The following GALNTL6 variants were observed in gnomAD, a reference collection of about 807,000 sequenced individuals.
The protein encoded by GALNTL6 is polypeptide N-acetylgalactosaminyltransferase-like 6.
In GALNTL6, 46 loss-of-function variants were observed where a neutral mutation model predicts 73.7. That is an observed-to-expected ratio of 0.62 (90% CI 0.49 to 0.80). The LOEUF (loss-of-function observed/expected upper bound fraction) is 0.80. GALNTL6 is among the 30% of genes least tolerant of loss of function. The probability of loss-of-function intolerance (pLI) is 0.00; values close to 1 mark genes in which losing one functional copy is unlikely to be tolerated. For missense variants in GALNTL6, 604 were observed against 755.0 expected, an observed-to-expected ratio of 0.80 and a Z score of 2.34; for synonymous variants, 259 against 263.7, an observed-to-expected ratio of 0.98 and a Z score of 0.17.
chr4:173,013,709 T>C (rs1307544398), intron 11 of GALNTL6, among the ~76,000 whole-genome samples: 1 of 152,082 alleles, frequency 6.6e-6, no homozygotes, highest in Non-Finnish European at 1.5e-5. Context: ...TTAAAAAGAT[T>C]TCCTGTCTCT....
intron 10 of GALNTL6, among the ~76,000 whole-genome samples, chr4:172,982,623 C>T (rs1042268253): frequency 2.6e-5 from 4 of 152,140 alleles, no homozygotes; most frequent in African/African-American, 9.7e-5. Flanking sequence ...AGGTTTACTA[C>T]TGACTCACTA....
chr4:171,872,669 T>C (rs1736170732), intron 2 of GALNTL6, among the ~76,000 whole-genome samples: 2 of 152,190 alleles, frequency 1.3e-5, no homozygotes, highest in Non-Finnish European at 2.9e-5. Flanking sequence ...TTTGGTAGTT[T>C]CTTGTATTTG....
intron 5 of GALNTL6, among the ~76,000 whole-genome samples, chr4:172,652,380 T>C (rs544561489): frequency 6.6e-6 from 1 of 152,334 alleles, no homozygotes; most frequent in South Asian, 2.1e-4. Flanking sequence ...TTGGAGTATA[T>C]GTTGCATTAG....
intron 5 of GALNTL6, among the ~76,000 whole-genome samples, chr4:172,794,010 C>G (rs1358592837): frequency 1.3e-5 from 2 of 152,146 alleles, no homozygotes; most frequent in African/African-American, 4.8e-5. Context: ...TCTATTCCTT[C>G]TGCCTGTCCA....
intron 7 of GALNTL6, among the ~76,000 whole-genome samples, chr4:172,840,960 T>A (rs1391679760): frequency 6.6e-6 from 1 of 152,158 alleles, no homozygotes; most frequent in Non-Finnish European, 1.5e-5. Context: ...CAGTGCTCCC[T>A]CTGGGGCCAG....
intron 5 of GALNTL6, among the ~76,000 whole-genome samples, chr4:172,579,877 A>G (rs535436856): frequency 8.5e-5 from 13 of 152,124 alleles, no homozygotes; most frequent in African/African-American, 3.1e-4. Context: ...GAGGGAAGCT[A>G]CTAGTCACAT....
chr4:171,977,836 G>A (rs368750247), intron 2 of GALNTL6, among the ~76,000 whole-genome samples: 72 of 152,246 alleles, frequency 4.7e-4, no homozygotes, highest in African/African-American at 1.7e-3. Context: ...CTCTTACGAT[G>A]TATTTCTAGA....
intron 2 of GALNTL6, among the ~76,000 whole-genome samples, chr4:172,210,730 G>T (rs1382227220): frequency 2.0e-5 from 3 of 152,078 alleles, no homozygotes; most frequent in African/African-American, 7.2e-5. Context: ...CCATTGGAGG[G>T]CAGCCATGAT....
intron 2 of GALNTL6, among the ~76,000 whole-genome samples, chr4:172,096,930 T>C (rs1302557308): frequency 6.6e-6 from 1 of 152,204 alleles, no homozygotes; most frequent in Non-Finnish European, 1.5e-5. Flanking sequence ...TGCCGGTATG[T>C]AGAGGATGAT....
In GALNTL6 at chr4:173,032,438, G is replaced by A. The variant is rs181310323; in HGVS notation, c.1639-7495G>A. Among the ~76,000 whole-genome samples, 674 of 149,122 alleles carry A rather than the reference G, an allele frequency of 4.5e-3. 5 individuals carry two copies. The highest frequency in any genetic ancestry group is 5.1e-3 in the South Asian group (24 of 4,738). Reference sequence around the variant, plus strand: ...TGCACTCCAGCCTCGGCGACAGAGCGAGACTCCGTCTCAAAAAAAAAAAAA... The same window carrying A: ...TGCACTCCAGCCTCGGCGACAGAGCAAGACTCCGTCTCAAAAAAAAAAAAA... On this transcript the variant is annotated intron_variant, in intron 12 of 12. Coordinates refer to ENST00000506823, the MANE Select transcript of GALNTL6 (RefSeq NM_001034845.3).
chr4:172,677,978 T>C (rs182133091), intron 5 of GALNTL6, among the ~76,000 whole-genome samples: 6 of 152,330 alleles, frequency 3.9e-5, no homozygotes, highest in African/African-American at 9.6e-5. Context: ...GGAGCTTCTA[T>C]ACAAAAGCGT....
intron 5 of GALNTL6, among the ~76,000 whole-genome samples, chr4:172,801,448 T>A (rs1253468748): frequency 6.6e-6 from 1 of 152,212 alleles, no homozygotes. Context: ...AGGTCTTAAC[T>A]TCTTTATGCA....
chr4:172,691,890 A>G (rs1177830977), intron 5 of GALNTL6, among the ~76,000 whole-genome samples: 1 of 152,240 alleles, frequency 6.6e-6, no homozygotes, highest in African/African-American at 2.4e-5. Context: ...TAAAACTTTA[A>G]AAAATAAAAA....
At chr4:172,310,395 C>A (rs1986138) in intron 3 of GALNTL6, among the ~76,000 whole-genome samples, 4 of 151,680 alleles carry the variant, frequency 2.6e-5, no homozygotes, top group Non-Finnish European at 5.9e-5. Flanking sequence ...CTCAGCCTCC[C>A]CAGTAGCTGA....
intron 2 of GALNTL6, among the ~76,000 whole-genome samples, chr4:171,967,059 A>G (rs1019654281): frequency 1.3e-5 from 2 of 152,218 alleles, no homozygotes; most frequent in African/African-American, 4.8e-5. Flanking sequence ...TATGAGAAAC[A>G]ATCCCATTAT....
chr4:172,810,481 C>T (rs527812849), intron 6 of GALNTL6, among the ~76,000 whole-genome samples: 1 of 152,252 alleles, frequency 6.6e-6, no homozygotes, highest in Admixed American at 6.5e-5. Context: ...GGCCTTGGAA[C>T]TAAAGTCACT....
chr4:172,036,408 T>C (rs1410064446), intron 2 of GALNTL6, among the ~76,000 whole-genome samples: 3 of 152,146 alleles, frequency 2.0e-5, no homozygotes, highest in Admixed American at 6.6e-5. Flanking sequence ...ATAAATTATA[T>C]AAATCACACA....
intron 2 of GALNTL6, among the ~76,000 whole-genome samples, chr4:171,934,512 C>T (rs1738283100): frequency 2.0e-5 from 3 of 152,162 alleles, no homozygotes; most frequent in Admixed American, 1.3e-4. Flanking sequence ...TTCCCAGGCT[C>T]ATGTGATTCT....
intron 5 of GALNTL6, among the ~76,000 whole-genome samples, chr4:172,367,983 GAC>G (rs1324518197): frequency 6.6e-6 from 1 of 152,142 alleles, no homozygotes; most frequent in Non-Finnish European, 1.5e-5. Flanking sequence ...ATTAACTGAA[GAC>G]ACAAAATGAT....
Sources: allele counts gnomAD v4.1 joint callset (sites outside exome capture counted in the v4.1 genomes callset), GRCh38; gene constraint gnomAD v4.1.1; transcripts MANE v1.5; gene names NCBI Gene and HGNC (gene_info 2026-07-23, HGNC 2026-07-21).